The following VPS13C variants were observed in gnomAD, a reference collection of about 807,000 sequenced individuals.
The protein encoded by VPS13C is intermembrane lipid transfer protein VPS13C.
In VPS13C, 358 loss-of-function variants were observed where a neutral mutation model predicts 456.8. The ratio of observed to expected loss-of-function variants is 0.78; its 90% CI spans 0.72 to 0.86. VPS13C has a LOEUF of 0.86. VPS13C is among the 40% of genes least tolerant of loss of function. VPS13C has a pLI of 0.00. For synonymous variants in VPS13C, 1,578 were observed against 1,486.7 expected (o/e 1.06, Z -1.41); for missense variants, 4,818 against 4,385.4 (o/e 1.10, Z -2.79).
intron 66 of VPS13C, among the ~76,000 whole-genome samples, chr15:61,890,605 C>T (rs572003579): frequency 3.9e-5 from 6 of 152,172 alleles, no homozygotes; most frequent in South Asian, 4.2e-4. Flanking sequence ...ACTAATAGTA[C>T]GTAGTTTTTT....
chr15:61,976,642 T>A (rs1026218982), intron 24 of VPS13C, among the ~76,000 whole-genome samples: 9 of 152,052 alleles, frequency 5.9e-5, no homozygotes, highest in African/African-American at 2.2e-4. Flanking sequence ...GGATGCAGCT[T>A]ATTGAACATC....
chr15:61,901,151 A>G (rs2042983916), intron 66 of VPS13C, among the ~76,000 whole-genome samples: 1 of 151,386 alleles, frequency 6.6e-6, no homozygotes, highest in Non-Finnish European at 1.5e-5. Flanking sequence ...TAAAACCATA[A>G]AAACCCTAGA....
At chr15:61,937,753 C>A (rs1041518982) in intron 47 of VPS13C, among the ~76,000 whole-genome samples, 1 of 152,164 alleles carries the variant, frequency 6.6e-6, no homozygotes, top group Non-Finnish European at 1.5e-5. Flanking sequence ...GGATTACAGG[C>A]GTGATCAAGT....
chr15:61,956,915 A>T (rs1450749957), intron 37 of VPS13C, among the ~76,000 whole-genome samples: 1 of 152,086 alleles, frequency 6.6e-6, no homozygotes, highest in Non-Finnish European at 1.5e-5. Context: ...CTGAAGCTAA[A>T]CCCAAATCTC....
chr15:61,917,277 A>G, intron 60 of VPS13C, 64 bp downstream of exon 60: 21 of 1,527,712 alleles, frequency 1.4e-5, no homozygotes, highest in Non-Finnish European at 1.9e-5. Context: ...TAAAAATACC[A>G]TAAAACAAAA....
chr15:61,973,604 G>T (rs2045620197), intron 25 of VPS13C, 72 bp from the exon 26 acceptor site: 4 of 1,097,788 alleles, frequency 3.6e-6, no homozygotes, highest in Non-Finnish European at 5.6e-6. Context: ...ATGAGAGGAA[G>T]ACTAAAAAGT....
At chr15:61,918,324 A>C in intron 58 of VPS13C, 67 bp from the exon 59 acceptor site, 7 of 1,351,000 alleles carry the variant, frequency 5.2e-6, no homozygotes, top group Non-Finnish European at 6.9e-6. Context: ...AATGAGAGCC[A>C]CAAACAAATA....
intron 47 of VPS13C, among the ~76,000 whole-genome samples, chr15:61,938,746 G>A (rs1567025691): frequency 6.6e-6 from 1 of 152,062 alleles, no homozygotes; most frequent in East Asian, 1.9e-4. Context: ...TTAACAAGCT[G>A]CAATATTTCC....
At chr15:62,032,815 A>G (rs1422453793) in intron 5 of VPS13C, among the ~76,000 whole-genome samples, 1 of 151,750 alleles carries the variant, frequency 6.6e-6, no homozygotes, top group Non-Finnish European at 1.5e-5. Context: ...GATGTCTGGA[A>G]AAGTCCTTCA....
intron 28 of VPS13C, among the ~76,000 whole-genome samples, chr15:61,968,627 G>C (rs1327346395): frequency 6.6e-6 from 1 of 151,984 alleles, no homozygotes; most frequent in East Asian, 1.9e-4. Flanking sequence ...ACACTGAAAT[G>C]AATAAACAAT....
Position 61,922,707 on chromosome 15 carries a change from T to G in VPS13C, c.6665A>C (p.Lys2222Thr). 1.2e-6 allele frequency: 2 copies of G among 1,613,840 alleles called. No individual in the cohort carries two copies. Among genetic ancestry groups the G allele is most frequent in the Non-Finnish European group, 8.5e-7 (1 of 1,179,882 alleles). ...ATCTTTGGATCCATCTTCTTTTGTT[T>G]TTGGAGACAATGCAGCCATGATTGT... is the stretch of plus-strand genomic sequence containing the variant. ...VLTIMAALSPKTKEDGSKDTS... is the reference protein window; with the variant it reads ...VLTIMAALSPTTKEDGSKDTS... Residue 2222 changes from lysine (K) to threonine (T), a missense_variant, in exon 54 of 85, where the codon AAA (lysine) becomes ACA (threonine). Around this residue, in one of 3 missense-constraint regions of VPS13C, gnomAD observed 4,552 missense variants for 4,130.6 expected, o/e 1.10. Coordinates refer to ENST00000644861, the MANE Select transcript of VPS13C (RefSeq NM_020821.3).
At chr15:61,874,007 A>T (rs1186095820) in intron 77 of VPS13C, among the ~76,000 whole-genome samples, 2 of 151,912 alleles carry the variant, frequency 1.3e-5, no homozygotes, top group Admixed American at 6.6e-5. Context: ...CATTAAAAAA[A>T]ATGAAAACCG....
At chr15:61,927,011 G>A (rs956954796) in intron 52 of VPS13C, 80 bp downstream of exon 52, 2 of 1,230,676 alleles carry the variant, frequency 1.6e-6, no homozygotes, top group African/African-American at 3.0e-5. Context: ...TCCCTGCAGA[G>A]CTCTCATATT....
At chr15:61,882,559 G>T (rs745955599) in intron 69 of VPS13C, 37 bp downstream of exon 69, 2 of 1,453,138 alleles carry the variant, frequency 1.4e-6, no homozygotes, top group Admixed American at 2.6e-5. Context: ...GATTCCCAAA[G>T]TGATGATAAA....
intron 66 of VPS13C, among the ~76,000 whole-genome samples, chr15:61,890,862 C>A (rs2042629283): frequency 6.6e-6 from 1 of 152,140 alleles, no homozygotes; most frequent in African/African-American, 2.4e-5. Context: ...GCCTGGCCAA[C>A]ATGGTGAAAC....
chr15:62,031,603 T>G (rs1011499209), intron 5 of VPS13C, among the ~76,000 whole-genome samples: 1 of 152,024 alleles, frequency 6.6e-6, no homozygotes, highest in Non-Finnish European at 1.5e-5. Flanking sequence ...TTGACAAATA[T>G]AACATGTTAA....
intron 9 of VPS13C, among the ~76,000 whole-genome samples, chr15:62,016,351 C>G (rs1167097806): frequency 6.6e-6 from 1 of 151,782 alleles, no homozygotes; most frequent in African/African-American, 2.4e-5. Context: ...ATACATGTGC[C>G]ATGCTGGTGT....
At chr15:61,904,191 C>T (rs1485040245) in intron 66 of VPS13C, among the ~76,000 whole-genome samples, 1 of 151,446 alleles carries the variant, frequency 6.6e-6, no homozygotes, top group East Asian at 1.9e-4. Context: ...GTAGAGACAA[C>T]AAACCGAAAG....
Position 61,858,273 on chromosome 15 carries a change from A to AATGGT in VPS13C, c.10953-1869_10953-1865dup, listed in dbSNP as rs1478828642. Among the ~76,000 whole-genome samples the AATGGT allele has an allele frequency of 6.6e-6, 1 of 151,964 alleles. No homozygotes were observed. Among genetic ancestry groups the AATGGT allele is most frequent in the Non-Finnish European group, 1.5e-5 (1 of 67,998 alleles). On this transcript the variant is annotated intron_variant, in intron 82 of 84. Transcript: ENST00000644861. This position sits in a 1 kb window ranked among gnomAD's most constrained non-coding sequence, Gnocchi z 4.4. ...GTCTTCTACTCACACACTCCCTCAGAATGGTCTCTCAGATCTCAACTCGAG... is the reference window on the plus strand; with the variant it reads ...GTCTTCTACTCACACACTCCCTCAGAATGGTATGGTCTCTCAGATCTCAACTCGAG...
Sources: gnomAD v4.1 joint callset for allele counts (sites outside exome capture counted in the v4.1 genomes callset) on GRCh38, gnomAD v4.1.1 for gene constraint, gnomAD v4.1.1 regional missense constraint, Gnocchi (gnomAD v3.1) non-coding constraint, MANE v1.5 for transcripts, NCBI Gene and HGNC (gene_info 2026-07-23, HGNC 2026-07-21) for gene names.